Variants in NCOR2 observed in about 807,000 individuals in gnomAD.
NCOR2 encodes CTG repeat protein 26.
Under a neutral mutation model 262.9 loss-of-function variants are expected in NCOR2, and 81 were observed. The ratio of observed to expected loss-of-function variants is 0.31; its 90% CI spans 0.26 to 0.37. The LOEUF is 0.37. Among genes scored for constraint, NCOR2 ranks in the 10% least tolerant of loss-of-function variants. The pLI is 1.00. For missense variants in NCOR2, 3,385 were observed against 3,621.4 expected (o/e 0.93, Z 1.68); for synonymous variants, 1,659 against 1,559.3 (o/e 1.06, Z -1.51).
At chr12:124,554,024 G>A (rs867470785) in intron 1 of NCOR2, among the ~76,000 whole-genome samples, 3 of 152,158 alleles carry the variant, frequency 2.0e-5, no homozygotes, top group Admixed American at 2.0e-4. Context: ...TGGTGACTAC[G>A]CTCTCACAAA....
intron 38 of NCOR2, chr12:124,335,845 CG>C: frequency 1.8e-6 from 1 of 569,224 alleles, no homozygotes; most frequent in Non-Finnish European, 3.1e-6. Context: ...ATGCAGAGCC[CG>C]GGACAGAGAC....
intron 15 of NCOR2, among the ~76,000 whole-genome samples, chr12:124,398,390 G>A (rs1389138802): frequency 1.3e-5 from 2 of 152,242 alleles, no homozygotes; most frequent in African/African-American, 4.8e-5. Flanking sequence ...CCTTTATGCT[G>A]GGCTGGAGCT....
chr12:124,458,125 G>C (rs1406617335), intron 5 of NCOR2, among the ~76,000 whole-genome samples: 1 of 152,244 alleles, frequency 6.6e-6, no homozygotes, highest in Non-Finnish European at 1.5e-5. Context: ...TCAGTATTTG[G>C]CAAGGACTAG....
chr12:124,554,381 C>A (rs1169479578), intron 1 of NCOR2, among the ~76,000 whole-genome samples: 1 of 152,012 alleles, frequency 6.6e-6, no homozygotes, highest in East Asian at 2.0e-4. Context: ...GCCCTCCAGC[C>A]TCCCACCACC....
chr12:124,444,030 C>A (rs1029269304), intron 7 of NCOR2, among the ~76,000 whole-genome samples: 1 of 152,184 alleles, frequency 6.6e-6, no homozygotes, highest in Non-Finnish European at 1.5e-5. Context: ...CTCACTCAAA[C>A]CTTCCTTCCC....
rs748011973 is a variant in NCOR2 at position 124,517,329 on chromosome 12, A to G, written c.-118+18236T>C. Among the ~76,000 whole-genome samples, 3 of 152,068 alleles carry G rather than the reference A, an allele frequency of 2.0e-5. No homozygotes were observed. The highest frequency in any genetic ancestry group is 4.4e-5 in the Non-Finnish European group (3 of 67,984). On this transcript the variant is annotated intron_variant, in intron 1 of 46. Transcript: ENST00000404621. This position sits in a 1 kb window ranked among gnomAD's most constrained non-coding sequence, Gnocchi z 7.6. ...ACCTCCCTATGGCCGCGGCGCACCC[A>G]GACCTCAGGACAAATCACTCCCTCA... is the stretch of plus-strand genomic sequence containing the variant.
intron 17 of NCOR2, 140 bp downstream of exon 19, chr12:124,385,605 C>T (rs2040749510): frequency 2.3e-6 from 3 of 1,312,140 alleles, no homozygotes; most frequent in Admixed American, 2.2e-5. Flanking sequence ...GCTTGAACCC[C>T]CAGAAGCTGA....
intron 1 of NCOR2, among the ~76,000 whole-genome samples, chr12:124,551,107 C>T (rs2051700388): frequency 6.6e-6 from 1 of 152,198 alleles, no homozygotes; most frequent in Non-Finnish European, 1.5e-5. Flanking sequence ...GTGTCTATTA[C>T]CCTTCTAATT....
In NCOR2 at chr12:124,450,251, G is replaced by A. The variant is rs1012884468; in HGVS notation, c.763-384C>T. ...TGGCTTCCTAGCTCACCATGGAAACGCGCGTCCCAACGCTGCAAGATACCA... is the reference window on the plus strand; with the variant it reads ...TGGCTTCCTAGCTCACCATGGAAACACGCGTCCCAACGCTGCAAGATACCA... On this transcript the variant is annotated intron_variant, in intron 6 of 46. Transcript: ENST00000405201. Among the ~76,000 whole-genome samples, 10 of 152,324 alleles carry A rather than the reference G, an allele frequency of 6.6e-5. 2 individuals carry two copies. In the South Asian group the frequency reaches 1.9e-3, roughly 28 times the overall value.
rs1447902263 is a variant in NCOR2 at position 124,490,407 on chromosome 12, CAGATGGATGGATGGAT to C, written c.106-3855_106-3840del. ...CCCGAGACGCCTGATAAGTATTTGCCAGATGGATGGATGGATGGATGGATGGATGGATGGATGGATG... is the reference window on the plus strand; with the variant it reads ...CCCGAGACGCCTGATAAGTATTTGCCGGATGGATGGATGGATGGATGGATG... On this transcript the variant is annotated intron_variant, in intron 1 of 46. Coordinates refer to ENST00000405201, the Ensembl canonical transcript of NCOR2. 4.6e-4 allele frequency among the ~76,000 whole-genome samples: 60 copies of C among 130,076 alleles called. 1 individual carries two copies. The highest frequency in any genetic ancestry group is 3.4e-3 in the Admixed American group (42 of 12,274). The allele number at this position is 130,076 out of a possible 152,430, so 85.3% of individuals were successfully genotyped here. A position where few individuals can be genotyped will look rare whatever the true frequency, so the allele number is the denominator to read the frequency against.
chr12:124,360,891 G>A (rs1038928222), intron 22 of NCOR2, among the ~76,000 whole-genome samples: 4 of 152,128 alleles, frequency 2.6e-5, no homozygotes, highest in Non-Finnish European at 5.9e-5. Flanking sequence ...GCTTCGTTAC[G>A]TGTTCCCTGG....
intron 33 of NCOR2, among the ~76,000 whole-genome samples, chr12:124,342,433 G>A (rs1345071826): frequency 6.6e-6 from 1 of 151,952 alleles, no homozygotes; most frequent in Admixed American, 6.5e-5. Flanking sequence ...GCAGTGGCGC[G>A]ATCTTGGCTC....
chr12:124,430,488 C>T (rs1593500865), intron 9 of NCOR2, 127 bp downstream of exon 11: 14 of 1,161,734 alleles, frequency 1.2e-5, no homozygotes, highest in East Asian at 2.4e-5. Flanking sequence ...TCTGGTAGGG[C>T]CCTGGCCACT....
chr12:124,493,529 G>C (rs776605914), intron 1 of NCOR2, among the ~76,000 whole-genome samples: 1 of 152,182 alleles, frequency 6.6e-6, no homozygotes, highest in Non-Finnish European at 1.5e-5. Context: ...GAGAGGTTAC[G>C]TAACTTGTCC....
At position 124,417,018 on chromosome 12, in the gene NCOR2, CAGAGCAAGCCGGACACTCACTCCTG is replaced by C. The variant is rs1209936148; in HGVS notation, c.1482+2914_1482+2938del. ...CAGCAAGCTGGACATTCGCTCCGCC[CAGAGCAAGCCGGACACTCACTCCTG>C]AGAGCAAGCCGGACACTCACTCCAC... On this transcript the variant is annotated intron_variant, in intron 13 of 46. Coordinates refer to ENST00000405201, the Ensembl canonical transcript of NCOR2. 1.3e-4 allele frequency among the ~76,000 whole-genome samples: 20 copies of C among 149,132 alleles called. No homozygotes were observed. In the East Asian group the frequency reaches 2.0e-3, roughly 15 times the overall value.
intron 1 of NCOR2, among the ~76,000 whole-genome samples, chr12:124,560,967 A>C (rs1376539672): frequency 6.6e-6 from 1 of 152,244 alleles, no homozygotes; most frequent in Non-Finnish European, 1.5e-5. Flanking sequence ...TGATGTATTA[A>C]GTCATATCAT....
intron 1 of NCOR2, among the ~76,000 whole-genome samples, chr12:124,554,597 C>T (rs1320627752): frequency 6.6e-6 from 1 of 152,248 alleles, no homozygotes; most frequent in African/African-American, 2.4e-5. Context: ...GCGGCCTGGA[C>T]CCACGGACGG....
chr12:124,362,326 C>T, intron 21 of NCOR2, 29 bp from the exon 24 acceptor site: 1 of 1,338,108 alleles, frequency 7.5e-7, no homozygotes, highest in Admixed American at 3.0e-5. Flanking sequence ...AGTGAGCATT[C>T]ACAGAGGGTG....
At chr12:124,388,478 C>T (rs1412315238) in intron 16 of NCOR2, among the ~76,000 whole-genome samples, 1 of 152,180 alleles carries the variant, frequency 6.6e-6, no homozygotes, top group Non-Finnish European at 1.5e-5. Flanking sequence ...AGATCCAGGT[C>T]CCACCCCTGC....
Sources: allele counts gnomAD v4.1 joint callset (sites outside exome capture counted in the v4.1 genomes callset), GRCh38; gene constraint gnomAD v4.1.1; non-coding constraint Gnocchi (gnomAD v3.1); transcripts MANE v1.5; gene names NCBI Gene and HGNC (gene_info 2026-07-23, HGNC 2026-07-21).